Variants in TAX1BP1 observed in about 807,000 individuals in gnomAD.
TAX1BP1 encodes the protein tax1-binding protein 1.
TAX1BP1 carries 62 observed loss-of-function variants against 97.7 expected under a neutral mutation model. The ratio of observed to expected loss-of-function variants is 0.63; its 90% CI spans 0.52 to 0.78. TAX1BP1 has a LOEUF of 0.78. Ranked by LOEUF, TAX1BP1 falls within the 30% of genes least tolerant of loss-of-function variation. TAX1BP1 has a pLI of 0.00. For missense variants in TAX1BP1, 867 were observed against 916.1 expected (o/e 0.95, Z 0.69); for synonymous variants, 340 against 304.2 (o/e 1.12, Z -1.23).
intron 3 of TAX1BP1, among the ~76,000 whole-genome samples, chr7:27,760,916 G>T (rs1239102571): frequency 6.6e-6 from 1 of 152,162 alleles, no homozygotes; most frequent in African/African-American, 2.4e-5. Flanking sequence ...ATTGGTCTGT[G>T]GTATGGCCTG....
At chr7:27,773,996 A>G (rs933821034) in intron 5 of TAX1BP1, among the ~76,000 whole-genome samples, 3 of 152,128 alleles carry the variant, frequency 2.0e-5, no homozygotes, top group African/African-American at 7.2e-5. Flanking sequence ...GCATTTTTGA[A>G]CTATATTTGA....
chr7:27,773,006 A>G (rs532762836), intron 5 of TAX1BP1, among the ~76,000 whole-genome samples: 178 of 152,186 alleles, frequency 1.2e-3, no homozygotes, highest in African/African-American at 4.1e-3. Flanking sequence ...TCCTCTCTTG[A>G]AAAAGGCTCA....
rs73295560 is a variant in TAX1BP1, at chr7:27,769,243, A to G, written c.454-433A>G. 2.1e-3 allele frequency among the ~76,000 whole-genome samples: 312 copies of G among 152,084 alleles called. 1 individual carries two copies. The highest frequency in any genetic ancestry group is 7.2e-3 in the African/African-American group (299 of 41,552). On this transcript the variant is annotated intron_variant, in intron 4 of 16. Coordinates refer to ENST00000396319, the MANE Select transcript of TAX1BP1 (RefSeq NM_006024.7). ...TAGTAATTCCATAGATGAAGGCCTT[A>G]TATACCATATAGTAAGTTTGTGATA...
intron 13 of TAX1BP1, among the ~76,000 whole-genome samples, chr7:27,805,553 T>C (rs1790306428): frequency 6.6e-6 from 1 of 152,162 alleles, no homozygotes; most frequent in South Asian, 2.1e-4. Context: ...ATGCATATGC[T>C]TTGCCGGGTG....
chr7:27,822,595 G>A (rs1791020250), intron 15 of TAX1BP1, among the ~76,000 whole-genome samples: 1 of 152,102 alleles, frequency 6.6e-6, no homozygotes, highest in South Asian at 2.1e-4. Context: ...CATTTTCCTG[G>A]TGGTTAATGA....
intron 8 of TAX1BP1, among the ~76,000 whole-genome samples, chr7:27,790,468 A>G (rs1789662322): frequency 6.6e-6 from 1 of 151,944 alleles, no homozygotes; most frequent in South Asian, 2.1e-4. Flanking sequence ...TTTCAAAAAA[A>G]TGTTCTATTG....
intron 15 of TAX1BP1, among the ~76,000 whole-genome samples, chr7:27,817,474 G>A (rs1790821230): frequency 1.3e-5 from 2 of 152,108 alleles, no homozygotes; most frequent in Non-Finnish European, 2.9e-5. Context: ...AGATTTTAGT[G>A]TGGACTCTTC....
At position 27,793,020 on chromosome 7, in the gene TAX1BP1, G is replaced by A. The variant is rs749406514; in HGVS notation, c.1264-46G>A. 8.0e-6 allele frequency: 12 copies of A among 1,504,704 alleles called. No individual in the cohort carries two copies. In the African/African-American group the frequency reaches 1.4e-4, roughly 18 times the overall value. The allele number at this position is 1,504,704 out of a possible 1,614,324, so 93.2% of individuals were successfully genotyped here. A position where few individuals can be genotyped will look rare whatever the true frequency, so the allele number is the denominator to read the frequency against. On this transcript the variant is annotated intron_variant, in intron 9 of 16. Transcript: ENST00000396319. ...GTTGGGGTTACTATTAACATTAGGA[G>A]GTATCAGATTTTTATTTTTTTCTTC...
chr7:27,781,512 G>T (rs890844241), intron 5 of TAX1BP1, among the ~76,000 whole-genome samples: 16 of 151,998 alleles, frequency 1.1e-4, no homozygotes, highest in African/African-American at 3.9e-4. Flanking sequence ...GAAAAGGAAA[G>T]GTACAGTAAA....
chr7:27,803,280 T>C, intron 13 of TAX1BP1: 4 of 1,132,184 alleles, frequency 3.5e-6, no homozygotes, highest in South Asian at 2.8e-5. Flanking sequence ...GACAGTACAA[T>C]GTTCAAATTT....
At chr7:27,781,572 A>G (rs1789260514) in intron 5 of TAX1BP1, among the ~76,000 whole-genome samples, 1 of 152,202 alleles carries the variant, frequency 6.6e-6, no homozygotes, top group Non-Finnish European at 1.5e-5. Context: ...GGCATTTACC[A>G]CAAATGGAGC....
At chr7:27,822,175 G>C (rs1791003141) in intron 15 of TAX1BP1, among the ~76,000 whole-genome samples, 1 of 152,170 alleles carries the variant, frequency 6.6e-6, no homozygotes, top group Non-Finnish European at 1.5e-5. Context: ...ATCTGAGAAA[G>C]TCTGAAATCT....
chr7:27,746,516 T>G (rs147326370), intron 1 of TAX1BP1, among the ~76,000 whole-genome samples: 4 of 151,618 alleles, frequency 2.6e-5, no homozygotes, highest in African/African-American at 9.7e-5. Context: ...CTCAGACAAC[T>G]CAAAGAAACA....
chr7:27,825,038 CAG>C (rs1791121913), intron 15 of TAX1BP1, among the ~76,000 whole-genome samples: 1 of 152,068 alleles, frequency 6.6e-6, no homozygotes, highest in Admixed American at 6.6e-5. Flanking sequence ...ATTTCTAAAA[CAG>C]AATGCATGAT....
chr7:27,758,249 G>C, intron 3 of TAX1BP1, 116 bp downstream of exon 3: 3 of 692,480 alleles, frequency 4.3e-6, no homozygotes, highest in South Asian at 2.4e-5. Flanking sequence ...AGTTGAATTA[G>C]TTAGTGTCTT....
intron 15 of TAX1BP1, among the ~76,000 whole-genome samples, chr7:27,826,365 A>ATATCCT (rs1376634104): frequency 1.2e-4 from 18 of 152,196 alleles, no homozygotes; most frequent in Non-Finnish European, 1.8e-4. Context: ...AATTGTCAGA[A>ATATCCT]GGATAGTCAA....
rs1195981536 is a variant in TAX1BP1 at position 27,794,398 on chromosome 7, C to T, written c.1486C>T (p.Pro496Ser). ...GAATGATGCTTCAGTAAACACAGAC[C>T]CAGCCACTTCTGCCTCTACTGTAGA... Reference protein sequence around the residue: ...KVNDASVNTDPATSASTVDVK... With the variant: ...KVNDASVNTDSATSASTVDVK... The change falls in exon 11 of 17, where the codon CCA (proline) becomes TCA (serine). Residue 496 changes from proline to serine, a missense_variant. By Grantham distance (74) the Pro-to-Ser change is moderately conservative. This residue lies in a region of TAX1BP1 where 822 missense variants were observed against 851.4 expected (regional missense o/e 0.97). Transcript: ENST00000396319. 22 of 1,612,676 alleles carry T rather than the reference C, an allele frequency of 1.4e-5. No individual in the cohort carries two copies. Among genetic ancestry groups the T allele is most frequent in the Non-Finnish European group, 1.8e-5 (21 of 1,179,390 alleles).
intron 5 of TAX1BP1, among the ~76,000 whole-genome samples, chr7:27,776,599 A>C (rs754632772): frequency 6.6e-6 from 1 of 151,634 alleles, no homozygotes; most frequent in Non-Finnish European, 1.5e-5. Context: ...TAAGTGGTTG[A>C]TTATGTTGTG....
chr7:27,821,634 CAAA>C (rs372220008), intron 15 of TAX1BP1, among the ~76,000 whole-genome samples: 3 of 125,304 alleles, frequency 2.4e-5, no homozygotes, highest in African/African-American at 3.0e-5. Context: ...GACTCGGTCT[CAAA>C]AAAAAAAAAA....
Sources: gnomAD v4.1 joint callset for allele counts (sites outside exome capture counted in the v4.1 genomes callset) on GRCh38, gnomAD v4.1.1 for gene constraint, gnomAD v4.1.1 regional missense constraint, MANE v1.5 for transcripts, NCBI Gene and HGNC (gene_info 2026-07-23, HGNC 2026-07-21) for gene names.